PIEZO2: variants seen among roughly 807,000 people sequenced by gnomAD.
PIEZO2 encodes the protein piezo type mechanosensitive ion channel component 2.
PIEZO2 carries 172 observed loss-of-function variants against 337.3 expected under a neutral mutation model. The ratio of observed to expected loss-of-function variants is 0.51; its 90% CI spans 0.45 to 0.58. The LOEUF is 0.58. Ranked by LOEUF, PIEZO2 falls within the 20% of genes least tolerant of loss-of-function variation. The pLI is 0.00. For missense variants in PIEZO2, 3,028 were observed against 3,391.3 expected (o/e 0.89, Z 2.66); for synonymous variants, 1,251 against 1,228.5 (o/e 1.02, Z -0.38).
At chr18:10,938,916 C>T (rs1008348734) in intron 3 of PIEZO2, among the ~76,000 whole-genome samples, 1 of 152,118 alleles carries the variant, frequency 6.6e-6, no homozygotes, top group Non-Finnish European at 1.5e-5. Flanking sequence ...GAAACCTTGT[C>T]TCTGCTAAAA....
At chr18:10,714,333 T>A (rs2143869003) in intron 39 of PIEZO2, among the ~76,000 whole-genome samples, 1 of 152,188 alleles carries the variant, frequency 6.6e-6, no homozygotes, top group East Asian at 1.9e-4. Context: ...TTGGGAATTT[T>A]TATCATAAAA....
chr18:10,878,110 A>G lies in PIEZO2; in HGVS notation c.330-6695T>C, dbSNP rs921682891. ...GACCGCCATCCCTCCCACATCCTCCATCAGTAGATGTTTAACACTGTGTCA... is the reference window on the plus strand; with the variant it reads ...GACCGCCATCCCTCCCACATCCTCCGTCAGTAGATGTTTAACACTGTGTCA... On this transcript the variant is annotated intron_variant, in intron 4 of 55. Transcript: ENST00000674853. The surrounding 1 kb of genome is among the most constrained non-coding windows in gnomAD (Gnocchi z 4.3). 2.6e-5 allele frequency among the ~76,000 whole-genome samples: 4 copies of G among 151,994 alleles called. No individual in the cohort carries two copies. Among genetic ancestry groups the G allele is most frequent in the African/African-American group, 4.8e-5 (2 of 41,400 alleles).
intron 32 of PIEZO2, 42 bp from the exon 33 acceptor site, chr18:10,741,144 G>A: frequency 6.7e-7 from 1 of 1,489,770 alleles, no homozygotes; most frequent in Non-Finnish European, 8.9e-7. Flanking sequence ...TATAAAGTGA[G>A]AAAACAAATT....
chr18:10,768,089 G>A (rs1271159153), intron 21 of PIEZO2, among the ~76,000 whole-genome samples: 1 of 152,198 alleles, frequency 6.6e-6, no homozygotes, highest in Non-Finnish European at 1.5e-5. Flanking sequence ...AAGGACTAAA[G>A]AGCCTCTGCG....
chr18:11,057,886 T>C (rs970579399), intron 2 of PIEZO2, among the ~76,000 whole-genome samples: 1 of 152,232 alleles, frequency 6.6e-6, no homozygotes, highest in Non-Finnish European at 1.5e-5. Context: ...GATCATCTTC[T>C]TTCTTCTATA....
rs1419858857 is a variant in PIEZO2, at chr18:11,116,647, C to T, written c.64+31878G>A. On this transcript the variant is annotated intron_variant, in intron 1 of 55. Coordinates refer to ENST00000674853, the MANE Select transcript of PIEZO2 (RefSeq NM_001378183.1). The surrounding 1 kb of genome is among the most constrained non-coding windows in gnomAD (Gnocchi z 5.0). ...AGGAGAATGGCGTGAACCCGGGAGGCGTAGCTTGCAGTGAGCCGAGATCCG... is the reference window on the plus strand; with the variant it reads ...AGGAGAATGGCGTGAACCCGGGAGGTGTAGCTTGCAGTGAGCCGAGATCCG... Among the ~76,000 whole-genome samples the T allele has an allele frequency of 6.6e-6, 1 of 151,416 alleles. No individual in the cohort carries two copies. The highest frequency in any genetic ancestry group is 1.5e-5 in the Non-Finnish European group (1 of 67,850).
At chr18:10,930,856 C>G (rs2032038176) in intron 3 of PIEZO2, among the ~76,000 whole-genome samples, 1 of 152,218 alleles carries the variant, frequency 6.6e-6, no homozygotes, top group African/African-American at 2.4e-5. Flanking sequence ...TTTGATGTCT[C>G]TGTAGGTAAC....
chr18:10,675,514 C>A (rs1293826528), intron 53 of PIEZO2, among the ~76,000 whole-genome samples: 4 of 152,172 alleles, frequency 2.6e-5, no homozygotes, highest in Non-Finnish European at 4.4e-5. Flanking sequence ...TAAGTCTGTA[C>A]AACAAGCTCG....
At chr18:11,057,124 G>T (rs1216006819) in intron 2 of PIEZO2, among the ~76,000 whole-genome samples, 2 of 151,986 alleles carry the variant, frequency 1.3e-5, no homozygotes, top group African/African-American at 4.8e-5. Context: ...GCCATTTCTG[G>T]ACCTTCTCCT....
Position 10,744,121 on chromosome 18 carries a change from G to A in PIEZO2, c.4514+21C>T, listed in dbSNP as rs2037330889. On this transcript the variant is annotated intron_variant, in intron 31 of 55. Transcript: ENST00000674853. ...CACAATCAGAAGACGGAAGGAGGAT[G>A]AGCATCAATAGCATCCTTACTGTCG... 2.0e-6 allele frequency: 3 copies of A among 1,491,384 alleles called. No homozygotes were observed. The South Asian group carries it at 3.6e-5, about 18-fold the overall frequency. The allele number at this position is 1,491,384 out of a possible 1,614,324, so 92.4% of individuals were successfully genotyped here.
rs114831897 is a variant in PIEZO2, at chr18:11,049,285, G to C, written c.160+16842C>G. 5.9e-3 allele frequency among the ~76,000 whole-genome samples: 905 copies of C among 152,296 alleles called. 11 individuals are homozygous for C. Among genetic ancestry groups the C allele is most frequent in the African/African-American group, 0.021 (869 of 41,560 alleles). On this transcript the variant is annotated intron_variant, in intron 2 of 55. Transcript: ENST00000674853. ...AACATTCGAGGAAGCAGGAATCTGA[G>C]AATTCAAGTAACTTGCTGGAGATTA... is the stretch of plus-strand genomic sequence containing the variant.
At chr18:10,791,369 G>A in intron 13 of PIEZO2, 45 bp from the exon 14 acceptor site, 1 of 1,447,530 alleles carries the variant, frequency 6.9e-7, no homozygotes, top group African/African-American at 1.4e-5. Context: ...CAACCATTTG[G>A]AATGTAAAAA....
intron 42 of PIEZO2, among the ~76,000 whole-genome samples, chr18:10,703,259 T>C (rs973597509): frequency 2.0e-5 from 3 of 152,216 alleles, no homozygotes; most frequent in Non-Finnish European, 4.4e-5. Flanking sequence ...ACTCACATTG[T>C]TATAGACTGG....
chr18:11,112,570 C>G lies in PIEZO2; in HGVS notation c.64+35955G>C, dbSNP rs1276865485. Among the ~76,000 whole-genome samples, 1 of 152,158 alleles carries G rather than the reference C, an allele frequency of 6.6e-6. No homozygotes were observed. Among genetic ancestry groups the G allele is most frequent in the Non-Finnish European group, 1.5e-5 (1 of 68,036 alleles). ...CACAGATTGGCCTTGGAGCAGCTATCGAAACCACATAAACATTGCATACTA... is the reference window on the plus strand; with the variant it reads ...CACAGATTGGCCTTGGAGCAGCTATGGAAACCACATAAACATTGCATACTA... On this transcript the variant is annotated intron_variant, in intron 1 of 55. Transcript: ENST00000674853. The surrounding 1 kb of genome is among the most constrained non-coding windows in gnomAD (Gnocchi z 4.3).
chr18:11,140,810 C>T (rs1029830181), intron 1 of PIEZO2, among the ~76,000 whole-genome samples: 7 of 152,230 alleles, frequency 4.6e-5, no homozygotes, highest in African/African-American at 1.7e-4. Context: ...GCTTCCTTTA[C>T]AGTACGGTAG....
intron 3 of PIEZO2, among the ~76,000 whole-genome samples, chr18:10,972,296 C>T (rs534219205): frequency 6.6e-6 from 1 of 151,842 alleles, no homozygotes; most frequent in South Asian, 2.1e-4. Flanking sequence ...TTCTAAAGTT[C>T]TACAATGTAG....
chr18:11,117,980 T>C (rs933476594), intron 1 of PIEZO2, among the ~76,000 whole-genome samples: 1 of 152,228 alleles, frequency 6.6e-6, no homozygotes, highest in Non-Finnish European at 1.5e-5. Context: ...ATATTAAGCT[T>C]TCTGTTTATG....
intron 35 of PIEZO2, among the ~76,000 whole-genome samples, chr18:10,732,385 G>C (rs538628056): frequency 6.6e-6 from 1 of 152,150 alleles, no homozygotes; most frequent in Admixed American, 6.6e-5. Context: ...TTTTCTGGGA[G>C]CTCTTTAAAC....
At chr18:10,687,155 A>G (rs1341385706) in intron 49 of PIEZO2, among the ~76,000 whole-genome samples, 1 of 152,114 alleles carries the variant, frequency 6.6e-6, no homozygotes, top group African/African-American at 2.4e-5. Flanking sequence ...TCAGGGGTAC[A>G]TGTGCAGGAT....
Sources: allele counts gnomAD v4.1 joint callset (sites outside exome capture counted in the v4.1 genomes callset), GRCh38; gene constraint gnomAD v4.1.1; non-coding constraint Gnocchi (gnomAD v3.1); transcripts MANE v1.5; gene names NCBI Gene and HGNC (gene_info 2026-07-23, HGNC 2026-07-21).